Variants in TNFSF4 observed in about 807,000 individuals in gnomAD.
The protein encoded by TNFSF4 is tumor necrosis factor ligand superfamily member 4.
TNFSF4 carries 4 observed loss-of-function variants against 7.3 expected under a neutral mutation model. The ratio of observed to expected loss-of-function variants is 0.55; its 90% confidence interval spans 0.27 to 1.25. The LOEUF (loss-of-function observed/expected upper bound fraction) is 1.25, where lower values mean the gene tolerates loss of function less well. Ranked by LOEUF, TNFSF4 falls within the 50% of genes most tolerant of loss-of-function variation. The probability of loss-of-function intolerance (pLI) is 0.12; values close to 1 mark genes in which losing one functional copy is unlikely to be tolerated. For missense variants in TNFSF4, 181 were observed against 208.8 expected (o/e 0.87, Z 0.82); for synonymous variants, 76 against 83.7 (o/e 0.91, Z 0.50).
the TNFSF4 span, among the ~76,000 whole-genome samples, chr1:173,299,787 T>G: frequency 2.7e-3 from 405 of 151,948 alleles, 1 homozygote; most frequent in African/African-American, 9.0e-3. Flanking sequence ...GAATTAGGAT[T>G]CCACCTGCCC....
the TNFSF4 span, among the ~76,000 whole-genome samples, chr1:173,438,432 G>A: frequency 4.6e-5 from 7 of 152,034 alleles, no homozygotes; most frequent in Admixed American, 3.9e-4. Flanking sequence ...TGATTAAAAA[G>A]TATCTCACTG....
the TNFSF4 span, among the ~76,000 whole-genome samples, chr1:173,372,411 G>T: frequency 6.6e-6 from 1 of 152,196 alleles, no homozygotes; most frequent in Non-Finnish European, 1.5e-5. Context: ...ACAAGATCCA[G>T]ACTTAAGCCT....
chr1:173,227,616 C>T, the TNFSF4 span, among the ~76,000 whole-genome samples: 4 of 152,300 alleles, frequency 2.6e-5, no homozygotes, highest in East Asian at 1.9e-4. Flanking sequence ...GCCCAGCAAA[C>T]GTGAGCCAAA....
chr1:173,404,655 C>A, the TNFSF4 span, among the ~76,000 whole-genome samples: 1 of 145,828 alleles, frequency 6.9e-6, no homozygotes, highest in Non-Finnish European at 1.5e-5. Context: ...TTTTTTAAGA[C>A]GGAGACTTGC....
the TNFSF4 span, among the ~76,000 whole-genome samples, chr1:173,256,060 T>C: frequency 6.6e-6 from 1 of 152,196 alleles, no homozygotes; most frequent in African/African-American, 2.4e-5. Flanking sequence ...ACTTCTTGGT[T>C]TAAATAGTAG....
the TNFSF4 span, among the ~76,000 whole-genome samples, chr1:173,450,335 T>C: frequency 5.3e-5 from 8 of 152,296 alleles, no homozygotes; most frequent in Middle Eastern, 6.8e-3. Flanking sequence ...GTGGTTTCAC[T>C]GATGAAGTTT....
intron 1 of TNFSF4, among the ~76,000 whole-genome samples, chr1:173,200,054 T>A (rs906617326): frequency 6.6e-5 from 10 of 152,244 alleles, no homozygotes; most frequent in East Asian, 1.9e-4. Context: ...AATCTTTTTT[T>A]AAAAAGAGTC....
chr1:173,360,822 T>C, the TNFSF4 span, among the ~76,000 whole-genome samples: 1 of 152,068 alleles, frequency 6.6e-6, no homozygotes. Context: ...ATTAAAGTCA[T>C]CATGTGAGCA....
chr1:173,192,691 C>T (rs930106149), intron 1 of TNFSF4, among the ~76,000 whole-genome samples: 16 of 152,156 alleles, frequency 1.1e-4, no homozygotes, highest in African/African-American at 3.1e-4. Flanking sequence ...TTAACCCCAA[C>T]ATTAAAAAAC....
chr1:173,223,087 T>C, the TNFSF4 span, among the ~76,000 whole-genome samples: 8 of 152,336 alleles, frequency 5.3e-5, no homozygotes, highest in African/African-American at 1.9e-4. Flanking sequence ...CTCAAGCTTT[T>C]CAGCCATAAT....
chr1:173,329,787 T>C, the TNFSF4 span, among the ~76,000 whole-genome samples: 4 of 152,108 alleles, frequency 2.6e-5, no homozygotes, highest in East Asian at 5.8e-4. Flanking sequence ...AGAAGAAATA[T>C]GGTTTTTTTT....
the TNFSF4 span, among the ~76,000 whole-genome samples, chr1:173,325,010 G>A: frequency 0.41 from 62,457 of 151,872 alleles, 13,359 homozygotes; most frequent in African/African-American, 0.53. Flanking sequence ...TGCACCAAGC[G>A]GACCTAAGAG....
chr1:173,324,346 G>A, the TNFSF4 span, among the ~76,000 whole-genome samples: 2 of 152,130 alleles, frequency 1.3e-5, no homozygotes, highest in Non-Finnish European at 2.9e-5. Context: ...CCTGCCCTAA[G>A]AGAGCTCCTG....
At chr1:173,303,635 T>C in the TNFSF4 span, among the ~76,000 whole-genome samples, 3 of 151,920 alleles carry the variant, frequency 2.0e-5, no homozygotes, top group Non-Finnish European at 4.4e-5. Flanking sequence ...TTTTATACGT[T>C]TTTTAATTCA....
the TNFSF4 span, among the ~76,000 whole-genome samples, chr1:173,339,129 C>A: frequency 2.0e-5 from 3 of 152,106 alleles, no homozygotes; most frequent in Non-Finnish European, 4.4e-5. Flanking sequence ...CAGTGGCTCA[C>A]GCTTGTAATC....
the TNFSF4 span, among the ~76,000 whole-genome samples, chr1:173,386,080 T>G: frequency 6.6e-6 from 1 of 152,188 alleles, no homozygotes; most frequent in African/African-American, 2.4e-5. Flanking sequence ...AGCTGCCATT[T>G]GCATCACAGG....
At chr1:173,343,019 C>G in the TNFSF4 span, among the ~76,000 whole-genome samples, 51 of 152,270 alleles carry the variant, frequency 3.3e-4, no homozygotes, top group South Asian at 0.011. Context: ...AATAAGGGAT[C>G]TCAGAAGGAA....
the TNFSF4 span, among the ~76,000 whole-genome samples, chr1:173,412,048 G>A: frequency 0.54 from 80,853 of 149,842 alleles, 23,720 homozygotes; most frequent in Middle Eastern, 0.71. Context: ...CCTGGGAGGC[G>A]GAGGTTGCAG....
At position 173,184,180 on chromosome 1, in the gene TNFSF4, A is replaced by T. The variant is rs1169425141; in HGVS notation, c.*2336T>A. 6.6e-6 allele frequency: 1 copy of T among 152,244 alleles called. No homozygotes were observed. The highest frequency in any genetic ancestry group is 6.5e-5 in the Admixed American group (1 of 15,290). 9.4% of individuals were successfully genotyped at this position (152,244 alleles called of 1,614,324 possible). A position where few individuals can be genotyped will look rare whatever the true frequency, so the allele number is the denominator to read the frequency against. On this transcript the variant is annotated 3_prime_UTR_variant, in exon 3 of 3. Transcript: ENST00000281834. ...CTCATTTAACAGAAAGAAAAGCAAG[A>T]CCCAGAAATGGGAAATGACTTTCCC...
Sources: gnomAD v4.1 joint callset for allele counts (sites outside exome capture counted in the v4.1 genomes callset) on GRCh38, gnomAD v4.1.1 for gene constraint, MANE v1.5 for transcripts, NCBI Gene and HGNC (gene_info 2026-07-23, HGNC 2026-07-21) for gene names.